The following MCOLN2 variants were observed in gnomAD, a reference collection of about 807,000 sequenced individuals.
MCOLN2 encodes the protein mucolipin-2.
In MCOLN2, 57 loss-of-function variants were observed where a neutral mutation model predicts 67.5. The observed-to-expected ratio is 0.84, with a 90% CI of 0.68 to 1.05. The LOEUF (loss-of-function observed/expected upper bound fraction) is 1.05, where lower values mean the gene tolerates loss of function less well. Among genes scored for constraint, MCOLN2 ranks in the 50% least tolerant of loss-of-function variants. The pLI, the probability that MCOLN2 is intolerant of heterozygous loss-of-function variation, is 0.00. For synonymous variants in MCOLN2, 246 were observed against 233.3 expected, an observed-to-expected ratio of 1.05 and a Z score of -0.50; for missense variants, 620 against 678.8, an observed-to-expected ratio of 0.91 and a Z score of 0.96.
intron 4 of MCOLN2, among the ~76,000 whole-genome samples, chr1:84,955,764 G>A (rs950769025): frequency 3.9e-5 from 6 of 152,102 alleles, no homozygotes; most frequent in African/African-American, 1.2e-4. Flanking sequence ...CTTCAAGTAC[G>A]GGGCTTGAAT....
chr1:84,950,867 T>A (rs567751832), intron 6 of MCOLN2, among the ~76,000 whole-genome samples: 1 of 152,278 alleles, frequency 6.6e-6, no homozygotes, highest in African/African-American at 2.4e-5. Flanking sequence ...GCACTCAAGA[T>A]CTCTGTTTCC....
chr1:84,985,846 T>C (rs986683369), intron 1 of MCOLN2, among the ~76,000 whole-genome samples: 9 of 152,098 alleles, frequency 5.9e-5, no homozygotes, highest in African/African-American at 2.2e-4. Context: ...AGAATCAATA[T>C]TGTGAAAATG....
intron 11 of MCOLN2, chr1:84,937,531 A>G (rs1025804228): frequency 1.7e-6 from 2 of 1,186,458 alleles, no homozygotes; most frequent in African/African-American, 1.6e-5. Context: ...CCAGACAACT[A>G]TAATACATGC....
intron 1 of MCOLN2, among the ~76,000 whole-genome samples, chr1:84,980,312 A>AC (rs398102970): frequency 2.6e-5 from 4 of 151,468 alleles, no homozygotes; most frequent in South Asian, 2.1e-4. Flanking sequence ...ATAGAAAAAA[A>AC]CCCTAAAATT....
chr1:84,981,583 A>C (rs1650257466), intron 1 of MCOLN2, among the ~76,000 whole-genome samples: 1 of 152,340 alleles, frequency 6.6e-6, no homozygotes, highest in South Asian at 2.1e-4. Context: ...GTTCTCACTT[A>C]TTTGTGTGAT....
intron 1 of MCOLN2, among the ~76,000 whole-genome samples, chr1:84,991,403 G>T (rs192247908): frequency 3.9e-5 from 6 of 152,244 alleles, no homozygotes; most frequent in African/African-American, 1.4e-4. Context: ...ATTTTCTCGT[G>T]ATCTGCTAGT....
intron 1 of MCOLN2, among the ~76,000 whole-genome samples, chr1:84,986,607 T>C (rs2102885309): frequency 7.0e-6 from 1 of 142,772 alleles, no homozygotes; most frequent in South Asian, 2.2e-4. Flanking sequence ...GACAACCCAA[T>C]GAGTGAGAGA....
chr1:84,936,495 T>A (rs1348731761), intron 11 of MCOLN2, among the ~76,000 whole-genome samples: 1 of 152,074 alleles, frequency 6.6e-6, no homozygotes, highest in Non-Finnish European at 1.5e-5. Context: ...GACAGTAAGT[T>A]CTCCAAATCA....
intron 1 of MCOLN2, among the ~76,000 whole-genome samples, chr1:84,984,923 G>C (rs1366320530): frequency 6.6e-6 from 1 of 152,116 alleles, no homozygotes; most frequent in Non-Finnish European, 1.5e-5. Flanking sequence ...CAAGTCCAGG[G>C]AGGTCGAGGC....
intron 9 of MCOLN2, 49 bp from the exon 10 acceptor site, chr1:84,938,131 C>A: frequency 7.3e-7 from 1 of 1,367,758 alleles, no homozygotes; most frequent in Non-Finnish European, 1.0e-6. Context: ...ATATTTGACT[C>A]CACTTAGCTT....
At chr1:84,950,704 T>C (rs1396540913) in intron 6 of MCOLN2, among the ~76,000 whole-genome samples, 1 of 152,166 alleles carries the variant, frequency 6.6e-6, no homozygotes, top group Non-Finnish European at 1.5e-5. Context: ...GAGAGCCGGA[T>C]ATGTAGGTGA....
rs534047392 is a variant in MCOLN2 at position 84,957,125 on chromosome 1, A to G, written c.412-541T>C. ...GTGTGCAATTATGCCCTGTCAAATA[A>G]AAATAAAATAAATGCAGTAAAAAAG... On this transcript the variant is annotated intron_variant, in intron 3 of 13. Coordinates refer to ENST00000370608, the MANE Select transcript of MCOLN2 (RefSeq NM_153259.4). Among the ~76,000 whole-genome samples, 3 of 152,278 alleles carry G rather than the reference A, an allele frequency of 2.0e-5. No homozygotes were observed. In the South Asian group the frequency reaches 6.2e-4, roughly 32 times the overall value.
chr1:84,930,289 A>C (rs1661347688), intron 12 of MCOLN2, among the ~76,000 whole-genome samples: 1 of 151,954 alleles, frequency 6.6e-6, no homozygotes, highest in East Asian at 1.9e-4. Context: ...AAAAGTCTAA[A>C]CTTTTAATGC....
chr1:84,926,739 A>C lies in MCOLN2; in HGVS notation c.1665-18T>G. The C allele has an allele frequency of 6.3e-7, 1 of 1,583,062 alleles. No individual in the cohort carries two copies. Among genetic ancestry groups the C allele is most frequent in the Non-Finnish European group, 8.6e-7 (1 of 1,158,706 alleles). On this transcript the variant is annotated intron_variant, in intron 13 of 13. Coordinates refer to ENST00000370608, the MANE Select transcript of MCOLN2 (RefSeq NM_153259.4). Reference sequence around the variant, plus strand: ...TTCTTTTCCTGTAACAGAAAGGGAAAGAAGAAAAGAGGAAAGATACAATAC... The same window carrying C: ...TTCTTTTCCTGTAACAGAAAGGGAACGAAGAAAAGAGGAAAGATACAATAC...
Position 84,989,244 on chromosome 1 carries a change from C to T in MCOLN2, c.77+7552G>A, listed in dbSNP as rs371681075. On this transcript the variant is annotated intron_variant, in intron 1 of 13. Transcript: ENST00000370608. The stretch of plus-strand genomic sequence containing the variant: ...ATCAATCTTGACTACACGAACTTTT[C>T]CTTGGTTAATATCTTTTGTGATCAA... Among the ~76,000 whole-genome samples, 4 of 152,174 alleles carry T rather than the reference C, an allele frequency of 2.6e-5. No homozygotes were observed. The East Asian group carries it at 7.7e-4, about 29-fold the overall frequency.
intron 3 of MCOLN2, among the ~76,000 whole-genome samples, 173 bp from the exon 4 acceptor site, chr1:84,956,757 C>A (rs1648817820): frequency 6.6e-6 from 1 of 152,208 alleles, no homozygotes; most frequent in Admixed American, 6.5e-5. Flanking sequence ...TTCAGCAAGA[C>A]ACTGCCTCAC....
chr1:84,956,694 CTCTCAATAGAACTT>C, intron 3 of MCOLN2, 110 bp from the exon 4 acceptor site: 1 of 912,732 alleles, frequency 1.1e-6, no homozygotes, highest in East Asian at 2.8e-5. Flanking sequence ...TACATCATGG[CTCTCAATAGAACTT>C]CCCAATTTAA....
intron 1 of MCOLN2, among the ~76,000 whole-genome samples, chr1:84,992,355 G>A (rs1650931795): frequency 6.6e-6 from 1 of 152,178 alleles, no homozygotes; most frequent in African/African-American, 2.4e-5. Context: ...TGAGGGAAAA[G>A]GAATATGGAC....
chr1:84,930,970 T>C (rs181497296), intron 12 of MCOLN2, among the ~76,000 whole-genome samples: 1 of 152,266 alleles, frequency 6.6e-6, no homozygotes, highest in Non-Finnish European at 1.5e-5. Flanking sequence ...AGCTGTATTA[T>C]CCAGTGTGAG....
Sources: allele counts gnomAD v4.1 joint callset (sites outside exome capture counted in the v4.1 genomes callset), GRCh38; gene constraint gnomAD v4.1.1; transcripts MANE v1.5; gene names NCBI Gene and HGNC (gene_info 2026-07-23, HGNC 2026-07-21).